The following FGF1 variants were observed in gnomAD, a reference collection of about 807,000 sequenced individuals.
FGF1 encodes the protein beta-endothelial cell growth factor.
Under a neutral mutation model 13.4 loss-of-function variants are expected in FGF1, and 9 were observed. The observed-to-expected ratio is 0.67, with a 90% CI of 0.40 to 1.17. The LOEUF (loss-of-function observed/expected upper bound fraction) is 1.17. FGF1 is among the 50% of genes most tolerant of loss of function. The probability of loss-of-function intolerance (pLI) is 0.01; values close to 1 mark genes in which losing one functional copy is unlikely to be tolerated. For missense variants in FGF1, 156 were observed against 192.7 expected, an observed-to-expected ratio of 0.81 and a Z score of 1.13; for synonymous variants, 93 against 79.0, an observed-to-expected ratio of 1.18 and a Z score of -0.94.
At chr5:142,695,097 A>G (rs1752892425) in intron 2 of FGF1, among the ~76,000 whole-genome samples, 1 of 152,176 alleles carries the variant, frequency 6.6e-6, no homozygotes, top group African/African-American at 2.4e-5. Flanking sequence ...ACCACTTACT[A>G]GATGTATAAT....
At position 142,613,176 on chromosome 5, in the gene FGF1, T is replaced by C. The variant is rs77233854; in HGVS notation, c.169+783A>G. Among the ~76,000 whole-genome samples the C allele has an allele frequency of 4.5e-3, 693 of 152,322 alleles. 9 individuals carry two copies. Among genetic ancestry groups the C allele is most frequent in the Middle Eastern group, 0.024 (7 of 294 alleles). ...CAGGGAATCTCAGATAACATCACGA[T>C]AGGACCTGGACACCTAATATCAAAC... is the stretch of plus-strand genomic sequence containing the variant. On this transcript the variant is annotated intron_variant, in intron 2 of 3. Transcript: ENST00000337706.
At chr5:142,647,369 A>C (rs1362140437) in intron 1 of FGF1, among the ~76,000 whole-genome samples, 1 of 152,130 alleles carries the variant, frequency 6.6e-6, no homozygotes, top group East Asian at 1.9e-4. Context: ...TTGTCTTGTC[A>C]CTTCTCTAAA....
rs199727906 is a variant in FGF1, at chr5:142,613,947, A to G, written c.169+12T>C. On this transcript the variant is annotated intron_variant, in intron 2 of 3. Coordinates refer to ENST00000337706, the MANE Select transcript of FGF1 (RefSeq NM_000800.5). ...CAGAAAGGGAAGGGGGGTGCCATAG[A>G]GATGGGCTTACTGTGCTGGTCGCTC... is the stretch of plus-strand genomic sequence containing the variant. The G allele has an allele frequency of 6.0e-5, 97 of 1,612,344 alleles. No homozygotes were observed. Among genetic ancestry groups the G allele is most frequent in the Admixed American group, 1.7e-4 (10 of 59,928 alleles).
chr5:142,623,851 C>T (rs528482294), intron 1 of FGF1, among the ~76,000 whole-genome samples: 21 of 150,922 alleles, frequency 1.4e-4, no homozygotes, highest in Admixed American at 5.9e-4. Flanking sequence ...TGGGCTCAAG[C>T]GATCCTCCCA....
At chr5:142,651,950 A>G (rs375493473) in intron 1 of FGF1, among the ~76,000 whole-genome samples, 1 of 152,122 alleles carries the variant, frequency 6.6e-6, no homozygotes, top group Non-Finnish European at 1.5e-5. Context: ...AGAATTTGTA[A>G]TAACGATAAA....
intron 1 of FGF1, among the ~76,000 whole-genome samples, chr5:142,663,174 C>T (rs1324888888): frequency 1.3e-5 from 2 of 150,328 alleles, no homozygotes; most frequent in African/African-American, 4.9e-5. Flanking sequence ...GAAAGTTAGG[C>T]TGAGTTGAGA....
At position 142,612,294 on chromosome 5, in the gene FGF1, C is replaced by T. The variant is rs17217310; in HGVS notation, c.169+1665G>A. Among the ~76,000 whole-genome samples, 996 of 152,310 alleles carry T rather than the reference C, an allele frequency of 6.5e-3. 16 individuals are homozygous for T. Among genetic ancestry groups the T allele is most frequent in the African/African-American group, 0.022 (911 of 41,566 alleles). On this transcript the variant is annotated intron_variant, in intron 2 of 3. Transcript: ENST00000337706. ...GAATGGCAACAGTTAAGCCATTTTC[C>T]ATTGCTACAGAAATTCCAGTATTGG...
At chr5:142,629,694 A>T (rs1394576986) in intron 1 of FGF1, among the ~76,000 whole-genome samples, 1 of 151,912 alleles carries the variant, frequency 6.6e-6, no homozygotes, top group Non-Finnish European at 1.5e-5. Flanking sequence ...CACTAATGTA[A>T]ACCTCGTAGG....
chr5:142,624,190 G>A (rs189804778), intron 1 of FGF1, among the ~76,000 whole-genome samples: 2 of 152,166 alleles, frequency 1.3e-5, no homozygotes, highest in African/African-American at 4.8e-5. Flanking sequence ...AAAGGGCTGG[G>A]ATTACAGGCG....
chr5:142,612,930 A>G (rs1759395062), intron 2 of FGF1, among the ~76,000 whole-genome samples: 1 of 152,190 alleles, frequency 6.6e-6, no homozygotes, highest in Non-Finnish European at 1.5e-5. Flanking sequence ...TGAATAATTA[A>G]GACCACCTGA....
chr5:142,619,086 C>G (rs1259354996), intron 1 of FGF1, among the ~76,000 whole-genome samples: 3 of 151,870 alleles, frequency 2.0e-5, no homozygotes, highest in Admixed American at 2.0e-4. Context: ...AGGCGCCTGC[C>G]ACCGCGCCCG....
At chr5:142,679,062 G>A (rs1056418841) in intron 1 of FGF1, among the ~76,000 whole-genome samples, 1 of 152,108 alleles carries the variant, frequency 6.6e-6, no homozygotes, top group African/African-American at 2.4e-5. Context: ...CTAGCCCATC[G>A]TTCCCTTCGT....
intron 2 of FGF1, among the ~76,000 whole-genome samples, chr5:142,691,611 G>C (rs550780131): frequency 4.6e-5 from 7 of 151,906 alleles, no homozygotes; most frequent in Admixed American, 1.3e-4. Flanking sequence ...TCTCAAGCTC[G>C]AGTGTGCACT....
chr5:142,687,420 A>G (rs188015191), upstream of FGF1, among the ~76,000 whole-genome samples: 8 of 152,332 alleles, frequency 5.3e-5, no homozygotes, highest in South Asian at 2.1e-4. Context: ...CAGAACTCCA[A>G]TCACGGATAA....
At chr5:142,606,799 T>C (rs919727339) in intron 2 of FGF1, among the ~76,000 whole-genome samples, 1 of 152,176 alleles carries the variant, frequency 6.6e-6, no homozygotes, top group African/African-American at 2.4e-5. Context: ...CCTAACTCTA[T>C]TTCTTTATAA....
At chr5:142,668,440 T>C (rs1373157569) in intron 1 of FGF1, among the ~76,000 whole-genome samples, 2 of 152,224 alleles carry the variant, frequency 1.3e-5, no homozygotes, top group African/African-American at 2.4e-5. Context: ...GGGAGGCTGC[T>C]CTTGTCTTCA....
chr5:142,618,977 C>T (rs1760877050), intron 1 of FGF1, among the ~76,000 whole-genome samples: 1 of 141,878 alleles, frequency 7.0e-6, no homozygotes, highest in Non-Finnish European at 1.5e-5. Context: ...CTCTTTAGCC[C>T]AGGCCGGATT....
intron 1 of FGF1, among the ~76,000 whole-genome samples, chr5:142,640,539 C>T (rs142705259): frequency 4.6e-5 from 7 of 151,708 alleles, no homozygotes; most frequent in African/African-American, 7.3e-5. Flanking sequence ...GCTTGTGATG[C>T]GCATGAGCAG....
intron 3 of FGF1, among the ~76,000 whole-genome samples, chr5:142,598,321 C>T (rs1036026237): frequency 6.6e-6 from 1 of 152,162 alleles, no homozygotes; most frequent in Non-Finnish European, 1.5e-5. Context: ...GTCAGCAGGC[C>T]AGATCAGCGG....
Sources: allele counts gnomAD v4.1 joint callset (sites outside exome capture counted in the v4.1 genomes callset), GRCh38; gene constraint gnomAD v4.1.1; transcripts MANE v1.5; gene names NCBI Gene and HGNC (gene_info 2026-07-23, HGNC 2026-07-21).